SIRT1: variants seen among roughly 807,000 people sequenced by gnomAD.
SIRT1 encodes the protein sirtuin 1.
A neutral mutation model predicts 67.9 loss-of-function variants in SIRT1; 24 were observed. The observed-to-expected ratio is 0.35, with a 90% CI of 0.26 to 0.50. SIRT1 has a LOEUF of 0.50. Among genes scored for constraint, SIRT1 ranks in the 20% least tolerant of loss-of-function variants. The pLI is 0.98. For synonymous variants in SIRT1, 378 were observed against 350.7 expected, an observed-to-expected ratio of 1.08 and a Z score of -0.87; for missense variants, 873 against 937.2, an observed-to-expected ratio of 0.93 and a Z score of 0.89.
rs2029966316 is a variant in SIRT1 at position 67,917,729 on chromosome 10, A to C, written c.*1136A>C. The C allele has an allele frequency of 6.6e-6, 1 of 152,644 alleles. No homozygotes were observed. The highest frequency in any genetic ancestry group is 2.1e-4 in the South Asian group (1 of 4,834). 9.5% of individuals were successfully genotyped at this position (152,644 alleles called of 1,614,324 possible). A position where few individuals can be genotyped will look rare whatever the true frequency, so the allele number is the denominator to read the frequency against. ...TAGTATTATGGAGATGAACATGATG[A>C]TGTAACTTGTAATAGCAGAATAGTT... On this transcript the variant is annotated 3_prime_UTR_variant, in exon 9 of 9. Transcript: ENST00000212015.
chr10:67,896,202 G>T (rs116843273), intron 4 of SIRT1, among the ~76,000 whole-genome samples: 14,731 of 152,174 alleles, frequency 0.097, 912 homozygotes, highest in Middle Eastern at 0.18. Flanking sequence ...ATCACAGCTC[G>T]TTGCAGCCTT....
In SIRT1 at chr10:67,884,712, C is replaced by T. The variant is rs1842446620; in HGVS notation, c.-10C>T. 9 of 1,228,842 alleles carry T rather than the reference C, an allele frequency of 7.3e-6. No homozygotes were observed. The highest frequency in any genetic ancestry group is 9.1e-6 in the Non-Finnish European group (9 of 986,174). 76.1% of individuals were successfully genotyped at this position (1,228,842 alleles called of 1,614,324 possible). ...AGGCGAGGGAGGAGGGCCAGAGAGG[C>T]AGTTGGAAGATGGCGGACGAGGCGG... is the stretch of plus-strand genomic sequence containing the variant. On this transcript the variant is annotated 5_prime_UTR_variant, in exon 1 of 9. Coordinates refer to ENST00000212015, the MANE Select transcript of SIRT1 (RefSeq NM_012238.5).
At chr10:67,907,507 AAG>A (rs1554891325) in intron 5 of SIRT1, among the ~76,000 whole-genome samples, 29 of 146,982 alleles carry the variant, frequency 2.0e-4, no homozygotes, top group African/African-American at 6.2e-4. Flanking sequence ...AAAAAAAAAA[AAG>A]AAAAAGAAAT....
intron 4 of SIRT1, among the ~76,000 whole-genome samples, chr10:67,894,848 T>C (rs1190062151): frequency 6.6e-6 from 1 of 152,134 alleles, no homozygotes; most frequent in Non-Finnish European, 1.5e-5. Flanking sequence ...TAGCTGGGAC[T>C]ACAGGCACGT....
In SIRT1 at chr10:67,885,055, C is replaced by G. The variant is rs1321218486; in HGVS notation, c.334C>G (p.Arg112Gly). Residue 112 changes from arginine to glycine, a missense_variant, in exon 1 of 9, where the codon CGG becomes GGG. This residue lies in a region of SIRT1 where 327 missense variants were observed against 283.9 expected (regional missense o/e 1.15). Transcript: ENST00000212015. ...DNGPGLQGPS[R>G]EPPLADNLYD... The stretch of plus-strand genomic sequence containing the variant: ...TGGGCCGGGCCTGCAGGGCCCATCT[C>G]GGGAGCCACCGCTGGCCGACAACTT... The G allele has an allele frequency of 1.4e-6, 2 of 1,429,870 alleles. No individual in the cohort carries two copies. Among genetic ancestry groups the G allele is most frequent in the Non-Finnish European group, 1.8e-6 (2 of 1,084,030 alleles). The allele number at this position is 1,429,870 out of a possible 1,614,324, so 88.6% of individuals were successfully genotyped here.
chr10:67,903,559 TG>T (rs920902451), intron 4 of SIRT1, among the ~76,000 whole-genome samples: 17 of 151,892 alleles, frequency 1.1e-4, no homozygotes, highest in Non-Finnish European at 1.9e-4. Context: ...AATTTTTTTT[TG>T]TATTTTTTAG....
At chr10:67,896,789 T>C (rs541908386) in intron 4 of SIRT1, among the ~76,000 whole-genome samples, 10 of 143,392 alleles carry the variant, frequency 7.0e-5, no homozygotes, top group Non-Finnish European at 1.4e-4. Flanking sequence ...AAAAAAAAAT[T>C]CGCTGGTCTC....
intron 7 of SIRT1, among the ~76,000 whole-genome samples, chr10:67,909,758 A>G (rs981679368): frequency 2.6e-5 from 4 of 151,930 alleles, no homozygotes; most frequent in Non-Finnish European, 5.9e-5. Context: ...TATTTTTAGT[A>G]TAGACCGGGT....
chr10:67,900,106 A>G (rs569803158), intron 4 of SIRT1, among the ~76,000 whole-genome samples: 13 of 152,276 alleles, frequency 8.5e-5, no homozygotes, highest in African/African-American at 2.6e-4. Context: ...AATTTTAAAT[A>G]AAATTATAAA....
intron 7 of SIRT1, among the ~76,000 whole-genome samples, chr10:67,911,596 T>C (rs1359482249): frequency 6.6e-6 from 1 of 151,764 alleles, no homozygotes; most frequent in Middle Eastern, 3.2e-3. Context: ...TATGTTTATA[T>C]GACTTTTTCC....
chr10:67,915,380 A>C (rs192670669), intron 8 of SIRT1, among the ~76,000 whole-genome samples: 1 of 152,248 alleles, frequency 6.6e-6, no homozygotes, highest in South Asian at 2.1e-4. Context: ...TAGGGATCCT[A>C]CTCTTTCACT....
intron 5 of SIRT1, among the ~76,000 whole-genome samples, chr10:67,907,686 G>A (rs1017277679): frequency 6.6e-5 from 10 of 152,012 alleles, no homozygotes; most frequent in Admixed American, 2.0e-4. Context: ...AAGAACTGCC[G>A]AGCTAAGGTA....
Position 67,918,336 on chromosome 10 carries a change from G to A in SIRT1, c.*1743G>A, listed in dbSNP as rs1384668409. ...AATACAAAACCAGTGTTTTTTACTT[G>A]TACACTGTTTTAAAGTCTATTAAAA... is the stretch of plus-strand genomic sequence containing the variant. On this transcript the variant is annotated 3_prime_UTR_variant, in exon 9 of 9. Coordinates refer to ENST00000212015, the MANE Select transcript of SIRT1 (RefSeq NM_012238.5). 6.6e-6 allele frequency: 1 copy of A among 152,358 alleles called. No homozygotes were observed. The highest frequency in any genetic ancestry group is 6.6e-5 in the Admixed American group (1 of 15,248). 9.4% of individuals were successfully genotyped at this position (152,358 alleles called of 1,614,324 possible).
chr10:67,900,344 CATGT>C (rs1213549266), intron 4 of SIRT1, among the ~76,000 whole-genome samples: 1 of 152,074 alleles, frequency 6.6e-6, no homozygotes, highest in East Asian at 2.0e-4. Flanking sequence ...GGGGTTTCAC[CATGT>C]TTGCCAGGCT....
rs527996538 is a variant in SIRT1 at position 67,894,310 on chromosome 10, A to G, written c.942+2756A>G. ...TTTACTTCATATATCCGTAATGATG[A>G]TGGTCATCTATATCTAGCTTTTAGA... On this transcript the variant is annotated intron_variant, in intron 4 of 8. Coordinates refer to ENST00000212015, the MANE Select transcript of SIRT1 (RefSeq NM_012238.5). Among the ~76,000 whole-genome samples the G allele has an allele frequency of 4.4e-4, 67 of 152,342 alleles. No individual in the cohort carries two copies. The South Asian group carries it at 0.014, about 31-fold the overall frequency.
intron 3 of SIRT1, 48 bp downstream of exon 3, chr10:67,889,171 C>T (rs1842530962): frequency 4.6e-6 from 7 of 1,512,046 alleles, no homozygotes; most frequent in Non-Finnish European, 6.2e-6. Flanking sequence ...TTTTCTTATG[C>T]CTTTTCCAAG....
chr10:67,891,318 T>TA, intron 3 of SIRT1, 84 bp from the exon 4 acceptor site: 5 of 1,253,378 alleles, frequency 4.0e-6, no homozygotes, highest in East Asian at 2.4e-5. Context: ...TCTCAACTCT[T>TA]ACCTAATTAT....
At chr10:67,903,392 T>TC (rs1317580485) in intron 4 of SIRT1, among the ~76,000 whole-genome samples, 2 of 21,798 alleles carry the variant, frequency 9.2e-5, no homozygotes, top group Non-Finnish European at 2.9e-4. Flanking sequence ...CAGATAGTTC[T>TC]TTTTTTTTTT....
At chr10:67,912,366 A>G (rs1486914583) in intron 7 of SIRT1, 108 bp from the exon 8 acceptor site, 2 of 998,508 alleles carry the variant, frequency 2.0e-6, no homozygotes, top group Non-Finnish European at 1.5e-6. Flanking sequence ...TTTTTTGGGA[A>G]TTTGGAGCTC....
Sources: allele counts gnomAD v4.1 joint callset (sites outside exome capture counted in the v4.1 genomes callset), GRCh38; gene constraint gnomAD v4.1.1; regional missense constraint gnomAD v4.1.1; transcripts MANE v1.5; gene names NCBI Gene and HGNC (gene_info 2026-07-23, HGNC 2026-07-21).